Variants in RASAL2 observed in about 807,000 individuals in gnomAD.
RASAL2 encodes the protein ras GTPase-activating protein nGAP.
RASAL2 carries 58 observed loss-of-function variants against 128.9 expected under a neutral mutation model. The ratio of observed to expected loss-of-function variants is 0.45; its 90% CI spans 0.36 to 0.56. The LOEUF is 0.56. Among genes scored for constraint, RASAL2 ranks in the 20% least tolerant of loss-of-function variants. The pLI is 0.00. For missense variants in RASAL2, 1,360 were observed against 1,601.6 expected (o/e 0.85, Z 2.57); for synonymous variants, 561 against 580.8 (o/e 0.97, Z 0.49).
chr1:178,416,179 CTT>C (rs767930418), intron 4 of RASAL2, among the ~76,000 whole-genome samples: 1 of 152,018 alleles, frequency 6.6e-6, no homozygotes, highest in Non-Finnish European at 1.5e-5. Flanking sequence ...AATTGAATGA[CTT>C]ATATGATTCC....
rs114619334 is a variant in RASAL2, at chr1:178,456,483, G to A, written c.2212-238G>A. ...TTTTTACTTGCATAATCCTGATTTC[G>A]ATTTCCTTTCTTTCCTCGATGTCTG... is the stretch of plus-strand genomic sequence containing the variant. On this transcript the variant is annotated intron_variant, in intron 12 of 17. Coordinates refer to ENST00000367649, the MANE Select transcript of RASAL2 (RefSeq NM_170692.4). 2,594 of 596,876 alleles carry A rather than the reference G, an allele frequency of 4.3e-3. 13 individuals carry two copies. Among genetic ancestry groups the A allele is most frequent in the Non-Finnish European group, 6.0e-3 (2,018 of 333,766 alleles). 37.0% of individuals were successfully genotyped at this position (596,876 alleles called of 1,614,324 possible). A position where few individuals can be genotyped will look rare whatever the true frequency, so the allele number is the denominator to read the frequency against.
intron 3 of RASAL2, among the ~76,000 whole-genome samples, chr1:178,315,010 G>T (rs1040718544): frequency 4.1e-5 from 6 of 145,208 alleles, no homozygotes; most frequent in Middle Eastern, 3.4e-3. Context: ...TCATTGTTCA[G>T]TTCCCACCTG....
chr1:178,425,204 A>T (rs1253190117), intron 5 of RASAL2, among the ~76,000 whole-genome samples: 1 of 152,200 alleles, frequency 6.6e-6, no homozygotes, highest in Non-Finnish European at 1.5e-5. Flanking sequence ...GAATGGAAAT[A>T]ATGAGCAAAA....
At chr1:178,440,773 A>G (rs1676589767) in intron 6 of RASAL2, among the ~76,000 whole-genome samples, 1 of 152,176 alleles carries the variant, frequency 6.6e-6, no homozygotes, top group South Asian at 2.1e-4. Flanking sequence ...GGCTAACCTA[A>G]TAAATGACTA....
chr1:178,403,757 A>G (rs749279527), intron 4 of RASAL2, among the ~76,000 whole-genome samples: 65 of 152,198 alleles, frequency 4.3e-4, no homozygotes, highest in Non-Finnish European at 8.2e-4. Flanking sequence ...ACCTTAATGC[A>G]GGGAAAAACT....
intron 3 of RASAL2, among the ~76,000 whole-genome samples, chr1:178,388,861 G>A (rs115173540): frequency 1.4e-3 from 210 of 152,270 alleles, no homozygotes; most frequent in African/African-American, 4.3e-3. Context: ...GCAGTGGTTG[G>A]GCATCTGTTA....
intron 1 of RASAL2, among the ~76,000 whole-genome samples, chr1:178,259,234 C>T (rs957398371): frequency 1.3e-5 from 2 of 148,652 alleles, no homozygotes; most frequent in South Asian, 4.3e-4. Context: ...AGGTTCACGC[C>T]ATTCTCCTGC....
intron 1 of RASAL2, among the ~76,000 whole-genome samples, chr1:178,172,015 C>T (rs1360745991): frequency 6.6e-6 from 1 of 151,782 alleles, no homozygotes; most frequent in Non-Finnish European, 1.5e-5. Context: ...TCTTCCTTTC[C>T]TTCCATTCAT....
intron 4 of RASAL2, among the ~76,000 whole-genome samples, chr1:178,412,690 C>A (rs1350062723): frequency 6.6e-6 from 1 of 152,110 alleles, no homozygotes; most frequent in African/African-American, 2.4e-5. Flanking sequence ...TATGCCATCC[C>A]CTCGAAAGTT....
At chr1:178,413,745 A>G (rs910590660) in intron 4 of RASAL2, among the ~76,000 whole-genome samples, 1 of 152,210 alleles carries the variant, frequency 6.6e-6, no homozygotes, top group Non-Finnish European at 1.5e-5. Flanking sequence ...TAAATGTACT[A>G]AGGGCTCTAA....
intron 5 of RASAL2, 28 bp from the exon 6 acceptor site, chr1:178,439,394 T>C (rs1158674215): frequency 1.9e-6 from 3 of 1,569,324 alleles, no homozygotes; most frequent in East Asian, 4.6e-5. Flanking sequence ...CAAGTTACAC[T>C]ACCTTAAATA....
chr1:178,324,509 C>T (rs1298942292), intron 3 of RASAL2, among the ~76,000 whole-genome samples: 1 of 150,972 alleles, frequency 6.6e-6, no homozygotes, highest in Non-Finnish European at 1.5e-5. Flanking sequence ...TTTCCATTTT[C>T]ACTTGCACTT....
chr1:178,336,643 G>A (rs986575408), intron 3 of RASAL2, among the ~76,000 whole-genome samples: 16 of 151,502 alleles, frequency 1.1e-4, no homozygotes, highest in Non-Finnish European at 8.8e-5. Context: ...ATGTATGTAT[G>A]TATAACTAAA....
At chr1:178,250,696 C>A (rs1215282020) in intron 1 of RASAL2, among the ~76,000 whole-genome samples, 2 of 152,220 alleles carry the variant, frequency 1.3e-5, no homozygotes, top group East Asian at 3.9e-4. Flanking sequence ...ATTAGGTCAT[C>A]TTGCCAGATC....
chr1:178,100,600 A>G (rs1213885577), intron 1 of RASAL2, among the ~76,000 whole-genome samples: 1 of 152,190 alleles, frequency 6.6e-6, no homozygotes, highest in South Asian at 2.1e-4. Flanking sequence ...TTTGCTAAGA[A>G]AAAGAAAAGA....
rs1674500908 is a variant in RASAL2, at chr1:178,412,970, CTTTCTTTCTTTCTT to C, written c.565-7527_565-7514del. 2.0e-5 allele frequency among the ~76,000 whole-genome samples: 3 copies of C among 151,568 alleles called. No individual in the cohort carries two copies. The South Asian group carries it at 6.2e-4, about 32-fold the overall frequency. ...GCTTTCTTTCTCTTTCTTTTTCTTT[CTTTCTTTCTTTCTT>C]TTTCTTTCTTTCTCTTTCTTTCTTT... On this transcript the variant is annotated intron_variant, in intron 4 of 17. Coordinates refer to ENST00000367649, the MANE Select transcript of RASAL2 (RefSeq NM_170692.4).
chr1:178,465,556 T>C (rs1035570101), intron 15 of RASAL2, among the ~76,000 whole-genome samples: 10 of 152,096 alleles, frequency 6.6e-5, no homozygotes, highest in African/African-American at 1.9e-4. Flanking sequence ...GGTTTTTTTT[T>C]CCCCCTTTCA....
At chr1:178,329,486 G>C (rs972371934) in intron 3 of RASAL2, among the ~76,000 whole-genome samples, 3 of 152,116 alleles carry the variant, frequency 2.0e-5, no homozygotes, top group Non-Finnish European at 4.4e-5. Context: ...CAATGGGAGA[G>C]ACCCTTCTAA....
rs534068155 is a variant in RASAL2 at position 178,257,801 on chromosome 1, A to G, written c.203-25763A>G. 4.0e-5 allele frequency among the ~76,000 whole-genome samples: 6 copies of G among 150,888 alleles called. No individual in the cohort carries two copies. The South Asian group carries it at 1.3e-3, about 32-fold the overall frequency. On this transcript the variant is annotated intron_variant, in intron 1 of 17. Coordinates refer to ENST00000367649, the MANE Select transcript of RASAL2 (RefSeq NM_170692.4). ...GGCTGCAATGAGCCATGATCATGCC[A>G]CTGCATTCTAGCCTGGGCAACAGAG... is the stretch of plus-strand genomic sequence containing the variant.
Sources: gnomAD v4.1 joint callset for allele counts (sites outside exome capture counted in the v4.1 genomes callset) on GRCh38, gnomAD v4.1.1 for gene constraint, MANE v1.5 for transcripts, NCBI Gene and HGNC (gene_info 2026-07-23, HGNC 2026-07-21) for gene names.